The following BCAS3 variants were observed in gnomAD, a reference collection of about 807,000 sequenced individuals.
BCAS3 encodes the protein BCAS3 microtubule associated cell migration factor.
BCAS3 carries 53 observed loss-of-function variants against 116.1 expected under a neutral mutation model. The ratio of observed to expected loss-of-function variants is 0.46; its 90% CI spans 0.37 to 0.57. BCAS3 has a LOEUF of 0.57. Among genes scored for constraint, BCAS3 ranks in the 20% least tolerant of loss-of-function variants. BCAS3 has a pLI of 0.00. For synonymous variants in BCAS3, 391 were observed against 408.2 expected (o/e 0.96, Z 0.51); for missense variants, 917 against 1,165.4 (o/e 0.79, Z 3.10).
intron 6 of BCAS3, among the ~76,000 whole-genome samples, chr17:60,757,355 T>G (rs1033066193): frequency 9.0e-6 from 1 of 110,648 alleles, no homozygotes; most frequent in Non-Finnish European, 2.2e-5. Flanking sequence ...AATAAATAAA[T>G]AAATAAATGA....
At chr17:60,691,498 T>G (rs1297898445) in intron 4 of BCAS3, among the ~76,000 whole-genome samples, 1 of 152,142 alleles carries the variant, frequency 6.6e-6, no homozygotes, top group Non-Finnish European at 1.5e-5. Context: ...TTAGTAATGT[T>G]TAGCATCTTT....
chr17:60,699,722 C>T (rs1340095705), intron 4 of BCAS3, among the ~76,000 whole-genome samples: 2 of 151,912 alleles, frequency 1.3e-5, no homozygotes, highest in African/African-American at 4.8e-5. Context: ...AATAGGAAGT[C>T]ATTAATACGG....
At position 61,256,041 on chromosome 17, in the gene BCAS3, T is replaced by G. The variant is rs537061567; in HGVS notation, c.2426-112286T>G. Among the ~76,000 whole-genome samples the G allele has an allele frequency of 6.6e-6, 1 of 152,380 alleles. No homozygotes were observed. The highest frequency in any genetic ancestry group is 1.5e-5 in the Non-Finnish European group (1 of 68,038). ...TCATAATTGTACCATATTTATTTTC[T>G]GATTTTTTTTAACCTTTCAGTTAAT... is the stretch of plus-strand genomic sequence containing the variant. On this transcript the variant is annotated intron_variant, in intron 22 of 23. Transcript: ENST00000407086. This position sits in a 1 kb window ranked among gnomAD's most constrained non-coding sequence, Gnocchi z 5.6.
Position 61,150,524 on chromosome 17 carries a change from T to A in BCAS3, c.2425+65960T>A, listed in dbSNP as rs541272835. Among the ~76,000 whole-genome samples the A allele has an allele frequency of 7.9e-5, 12 of 152,316 alleles. No individual in the cohort carries two copies. The East Asian group carries it at 2.1e-3, about 27-fold the overall frequency. ...ACAAGATGTGTGACAGAGCTCTGCT[T>A]GTTCTAGAAATAGAGATTCTGCTAC... On this transcript the variant is annotated intron_variant, in intron 22 of 23. Coordinates refer to ENST00000407086, the MANE Select transcript of BCAS3 (RefSeq NM_017679.5).
intron 8 of BCAS3, among the ~76,000 whole-genome samples, chr17:60,869,434 T>C (rs1053182494): frequency 1.3e-5 from 2 of 152,174 alleles, no homozygotes; most frequent in Non-Finnish European, 2.9e-5. Flanking sequence ...ACCTGAAATA[T>C]AGAAAATAAA....
At position 61,256,092 on chromosome 17, in the gene BCAS3, T is replaced by C. The variant is rs1219415084; in HGVS notation, c.2426-112235T>C. On this transcript the variant is annotated intron_variant, in intron 22 of 23. Transcript: ENST00000407086. This position sits in a 1 kb window ranked among gnomAD's most constrained non-coding sequence, Gnocchi z 5.6. Reference sequence around the variant, plus strand: ...AAATGTTTTCCAGCCTCCATCAGCCTCTACTGGTAATCAGGAGAAATGGGC... The same window carrying C: ...AAATGTTTTCCAGCCTCCATCAGCCCCTACTGGTAATCAGGAGAAATGGGC... Among the ~76,000 whole-genome samples the C allele has an allele frequency of 6.6e-6, 1 of 152,184 alleles. No individual in the cohort carries two copies. The highest frequency in any genetic ancestry group is 1.5e-5 in the Non-Finnish European group (1 of 68,036).
intron 14 of BCAS3, among the ~76,000 whole-genome samples, chr17:60,965,552 C>T (rs1463548374): frequency 6.6e-6 from 1 of 151,970 alleles, no homozygotes; most frequent in Non-Finnish European, 1.5e-5. Flanking sequence ...TCCATTTTCA[C>T]TTGTTTCAAG....
At position 61,189,879 on chromosome 17, in the gene BCAS3, C is replaced by T. The variant is rs1601811473; in HGVS notation, c.2425+105315C>T. On this transcript the variant is annotated intron_variant, in intron 22 of 23. Transcript: ENST00000407086. This position sits in a 1 kb window ranked among gnomAD's most constrained non-coding sequence, Gnocchi z 4.5. ...CCCTGAGTAAAAATGTGGGAGTTATCAACATATAGCTATGGAAGGTGAAAG... is the reference window on the plus strand; with the variant it reads ...CCCTGAGTAAAAATGTGGGAGTTATTAACATATAGCTATGGAAGGTGAAAG... 6.6e-6 allele frequency among the ~76,000 whole-genome samples: 1 copy of T among 152,070 alleles called. No homozygotes were observed.
intron 7 of BCAS3, among the ~76,000 whole-genome samples, chr17:60,824,774 A>G (rs1568329556): frequency 1.3e-5 from 2 of 152,172 alleles, no homozygotes; most frequent in East Asian, 3.8e-4. Context: ...GTTGTGATTT[A>G]GGGGTGATTT....
In BCAS3 at chr17:60,707,061, G is replaced by A. The variant is rs1053933453; in HGVS notation, c.215-2158G>A. On this transcript the variant is annotated intron_variant, in intron 4 of 23. Transcript: ENST00000407086. ...GGCTGGAGTGCAATGGCTTGATCTC[G>A]GCTTACCTCAACCTCTGCCTCCTGG... is the stretch of plus-strand genomic sequence containing the variant. 3.3e-5 allele frequency among the ~76,000 whole-genome samples: 5 copies of A among 151,512 alleles called. No homozygotes were observed. In the East Asian group the frequency reaches 7.7e-4, roughly 23 times the overall value.
At position 61,020,453 on chromosome 17, in the gene BCAS3, G is replaced by C. The variant is rs1369900971; in HGVS notation, c.1637+4552G>C. Among the ~76,000 whole-genome samples, 1 of 152,208 alleles carries C rather than the reference G, an allele frequency of 6.6e-6. No individual in the cohort carries two copies. The highest frequency in any genetic ancestry group is 2.4e-5 in the African/African-American group (1 of 41,450). On this transcript the variant is annotated intron_variant, in intron 16 of 23. Transcript: ENST00000407086. The surrounding 1 kb of genome is among the most constrained non-coding windows in gnomAD (Gnocchi z 4.5). ...GCTTAACTCTGTGACAGTATACATT[G>C]ATGGAGGTAAAAGAAGTGTTAGACA...
chr17:60,991,047 G>T (rs566518610), intron 15 of BCAS3, among the ~76,000 whole-genome samples: 2 of 152,202 alleles, frequency 1.3e-5, no homozygotes, highest in Admixed American at 6.5e-5. Context: ...ATCAATAAAT[G>T]GAACATTATT....
chr17:61,339,829 G>A lies in BCAS3; in HGVS notation c.2426-28498G>A, dbSNP rs1395276956. On this transcript the variant is annotated intron_variant, in intron 22 of 23. Coordinates refer to ENST00000407086, the MANE Select transcript of BCAS3 (RefSeq NM_017679.5). This position sits in a 1 kb window ranked among gnomAD's most constrained non-coding sequence, Gnocchi z 4.4. ...CCAGTAAAAGAGACTGCAAAGTAGC[G>A]GCCGGAAAGATGGGAGGAAAACCAG... Among the ~76,000 whole-genome samples, 3 of 151,732 alleles carry A rather than the reference G, an allele frequency of 2.0e-5. No homozygotes were observed. The highest frequency in any genetic ancestry group is 6.6e-5 in the Admixed American group (1 of 15,228).
chr17:61,148,139 A>C (rs1601582025), intron 22 of BCAS3, among the ~76,000 whole-genome samples: 1 of 152,214 alleles, frequency 6.6e-6, no homozygotes, highest in South Asian at 2.1e-4. Context: ...GGTTTAGAAA[A>C]CTGTGTGTGT....
At position 61,229,735 on chromosome 17, in the gene BCAS3, A is replaced by G. The variant is rs2082559942; in HGVS notation, c.2426-138592A>G. Among the ~76,000 whole-genome samples, 1 of 152,162 alleles carries G rather than the reference A, an allele frequency of 6.6e-6. No individual in the cohort carries two copies. Among genetic ancestry groups the G allele is most frequent in the African/African-American group, 2.4e-5 (1 of 41,450 alleles). Reference sequence around the variant, plus strand: ...TCTAATAGTAGAGGAGAGATGCTTTATGCATCCCTCTTACCCCGTCTCTAG... The same window carrying G: ...TCTAATAGTAGAGGAGAGATGCTTTGTGCATCCCTCTTACCCCGTCTCTAG... On this transcript the variant is annotated intron_variant, in intron 22 of 23. Transcript: ENST00000407086. This position sits in a 1 kb window ranked among gnomAD's most constrained non-coding sequence, Gnocchi z 4.4.
intron 13 of BCAS3, among the ~76,000 whole-genome samples, chr17:60,931,744 C>T (rs1186535939): frequency 1.3e-5 from 2 of 152,120 alleles, no homozygotes; most frequent in Admixed American, 6.5e-5. Context: ...GCTTCAGTTT[C>T]CTCATCAATA....
At chr17:60,907,203 A>G (rs1490234627) in intron 11 of BCAS3, among the ~76,000 whole-genome samples, 2 of 152,152 alleles carry the variant, frequency 1.3e-5, no homozygotes, top group Admixed American at 1.3e-4. Flanking sequence ...GACTTTTCTC[A>G]TAAAGAATAT....
chr17:60,959,240 A>G (rs1224302650), intron 14 of BCAS3, among the ~76,000 whole-genome samples: 1 of 152,076 alleles, frequency 6.6e-6, no homozygotes, highest in Non-Finnish European at 1.5e-5. Context: ...CTGGGAGGTC[A>G]AGACTGCAGT....
intron 13 of BCAS3, among the ~76,000 whole-genome samples, chr17:60,930,821 A>C (rs2059608261): frequency 1.3e-5 from 2 of 152,070 alleles, no homozygotes; most frequent in African/African-American, 4.8e-5. Flanking sequence ...TGTCCTGGAC[A>C]ACAAAATCCA....
Sources: gnomAD v4.1 joint callset for allele counts (sites outside exome capture counted in the v4.1 genomes callset) on GRCh38, gnomAD v4.1.1 for gene constraint, Gnocchi (gnomAD v3.1) non-coding constraint, MANE v1.5 for transcripts, NCBI Gene and HGNC (gene_info 2026-07-23, HGNC 2026-07-21) for gene names.